The following ASCC3 variants were observed in gnomAD, a reference collection of about 807,000 sequenced individuals.
ASCC3 encodes the protein ASC-1 complex subunit P200.
A neutral mutation model predicts 256.3 loss-of-function variants in ASCC3; 158 were observed. The observed-to-expected ratio is 0.62, with a 90% CI of 0.54 to 0.70. The LOEUF is 0.70. ASCC3 is among the 30% of genes least tolerant of loss of function. ASCC3 has a pLI of 0.00. For missense variants in ASCC3, 2,259 were observed against 2,626.0 expected, an observed-to-expected ratio of 0.86 and a Z score of 3.05; for synonymous variants, 948 against 883.4, an observed-to-expected ratio of 1.07 and a Z score of -1.30.
In ASCC3 at chr6:100,718,201, T is replaced by A; in HGVS notation, c.1953A>T (p.Leu651Phe). 6.2e-7 allele frequency: 1 copy of A among 1,613,360 alleles called. No homozygotes were observed. Among genetic ancestry groups the A allele is most frequent in the Non-Finnish European group, 8.5e-7 (1 of 1,179,452 alleles). The change falls in exon 12 of 42, where the codon TTA becomes TTT. Residue 651 changes from leucine (L) to phenylalanine (F), a missense_variant. Coordinates refer to ENST00000369162, the MANE Select transcript of ASCC3 (RefSeq NM_006828.4). ...ATGTGGCAACATCGAGGTAGTTAGG[T>A]AAAGTTGCAGACAGTCCGAGAATCC... is the stretch of plus-strand genomic sequence containing the variant. ...MIRILGLSATLPNYLDVATFL... is the reference protein window; with the variant it reads ...MIRILGLSATFPNYLDVATFL...
rs570800333 is a variant in ASCC3, at chr6:100,725,524, A to G, written c.1902+15T>C. 20 of 1,611,346 alleles carry G rather than the reference A, an allele frequency of 1.2e-5. No homozygotes were observed. The highest frequency in any genetic ancestry group is 1.7e-4 in the Middle Eastern group (1 of 6,046). On this transcript the variant is annotated intron_variant, in intron 11 of 41. Transcript: ENST00000369162. ...TTATCCCTTCAAAATAAGCTTATAC[A>G]TAACTTCCTCTTACCTGCCGTAAAG... is the stretch of plus-strand genomic sequence containing the variant.
chr6:100,565,874 G>C (rs1261627022), intron 36 of ASCC3, among the ~76,000 whole-genome samples: 1 of 152,062 alleles, frequency 6.6e-6, no homozygotes. Flanking sequence ...TGCCTCTTAA[G>C]AGCAAAGATT....
At chr6:100,650,235 A>G (rs1240505795) in intron 20 of ASCC3, among the ~76,000 whole-genome samples, 1 of 151,548 alleles carries the variant, frequency 6.6e-6, no homozygotes, top group Non-Finnish European at 1.5e-5. Flanking sequence ...CTTTTACTTT[A>G]TAAGTAAAAG....
In ASCC3 at chr6:100,799,435, G is replaced by A. The variant is rs1327096811; in HGVS notation, c.1265C>T (p.Ala422Val). ...AMKTSAFIAG[A>V]KMILPEGIQR... is the part of the protein sequence containing the mutation. ...AGTTATATAACAATGACATACCTTTGCACCAGCAATAAATGCTGATGTTTT... is the reference window on the plus strand; with the variant it reads ...AGTTATATAACAATGACATACCTTTACACCAGCAATAAATGCTGATGTTTT... The change falls in exon 7 of 42, where the codon GCA (alanine) becomes GTA (valine). Residue 422 changes from alanine (A) to valine (V), a missense_variant. Physicochemically the swap from Ala to Val is moderately conservative, Grantham distance 64 (BLOSUM62 0). Around this residue, in one of 2 missense-constraint regions of ASCC3, gnomAD observed 1,839 missense variants for 2,206.7 expected, o/e 0.83. Transcript: ENST00000369162. 1 of 1,612,092 alleles carries A rather than the reference G, an allele frequency of 6.2e-7. No homozygotes were observed. Among genetic ancestry groups the A allele is most frequent in the East Asian group, 2.2e-5 (1 of 44,798 alleles).
chr6:100,844,412 C>A (rs1220110375), intron 4 of ASCC3, among the ~76,000 whole-genome samples: 2 of 151,680 alleles, frequency 1.3e-5, no homozygotes, highest in East Asian at 1.9e-4. Context: ...CTACTACTTT[C>A]TAGGGGAAAA....
intron 36 of ASCC3, among the ~76,000 whole-genome samples, chr6:100,585,288 C>CT (rs1173398340): frequency 5.3e-5 from 8 of 152,070 alleles, no homozygotes; most frequent in African/African-American, 1.9e-4. Flanking sequence ...TCTTTTTATT[C>CT]TTTTTTCTCT....
intron 25 of ASCC3, among the ~76,000 whole-genome samples, chr6:100,632,268 A>T (rs1394014652): frequency 6.6e-6 from 1 of 151,414 alleles, no homozygotes; most frequent in Non-Finnish European, 1.5e-5. Flanking sequence ...TTAACTAAAG[A>T]GGTAAAAAAT....
chr6:100,514,084 C>A (rs1284872504), intron 39 of ASCC3, among the ~76,000 whole-genome samples: 4 of 151,932 alleles, frequency 2.6e-5, no homozygotes, highest in African/African-American at 9.7e-5. Flanking sequence ...CCTGATGAAC[C>A]AAACTACCCC....
intron 36 of ASCC3, among the ~76,000 whole-genome samples, chr6:100,542,042 C>CAA (rs1279645123): frequency 6.6e-6 from 1 of 152,058 alleles, no homozygotes; most frequent in Admixed American, 6.5e-5. Flanking sequence ...AACACAACAT[C>CAA]AATGAGTTGT....
intron 3 of ASCC3, 118 bp from the exon 4 acceptor site, chr6:100,848,825 T>C (rs1011460866): frequency 1.4e-5 from 14 of 987,398 alleles, no homozygotes; most frequent in Non-Finnish European, 2.2e-5. Context: ...ATCATAGCAA[T>C]AGACCAGGTG....
chr6:100,872,203 G>C (rs1452520502), intron 1 of ASCC3, among the ~76,000 whole-genome samples: 1 of 152,130 alleles, frequency 6.6e-6, no homozygotes, highest in Non-Finnish European at 1.5e-5. Context: ...ACAAATTAAT[G>C]GGGTACTTGG....
chr6:100,784,378 C>G (rs758032164), intron 8 of ASCC3, among the ~76,000 whole-genome samples: 8 of 151,910 alleles, frequency 5.3e-5, no homozygotes, highest in Admixed American at 2.0e-4. Context: ...TAACCTAACT[C>G]CTAGACAAAA....
chr6:100,526,653 G>A (rs1469036430), intron 37 of ASCC3, among the ~76,000 whole-genome samples: 1 of 152,164 alleles, frequency 6.6e-6, no homozygotes, highest in East Asian at 1.9e-4. Context: ...TTTGTTTTAG[G>A]TGGTGTTTTG....
In ASCC3 at chr6:100,864,058, CTA is replaced by C. The variant is rs765527214; in HGVS notation, c.241+4_241+5del. On this transcript the variant is annotated splice_donor_5th_base_variant and intron_variant, in intron 3 of 41. Coordinates refer to ENST00000369162, the MANE Select transcript of ASCC3 (RefSeq NM_006828.4). The stretch of plus-strand genomic sequence containing the variant: ...AAAAAAAAAAAAGAAAAAAAGAAAA[CTA>C]TACCTATCTGCTTTGCAGCATGTAA... 2 of 1,516,538 alleles carry C rather than the reference CTA, an allele frequency of 1.3e-6. No homozygotes were observed. The highest frequency in any genetic ancestry group is 1.8e-6 in the Non-Finnish European group (2 of 1,119,094). The allele number at this position is 1,516,538 out of a possible 1,614,324, so 93.9% of individuals were successfully genotyped here.
intron 36 of ASCC3, among the ~76,000 whole-genome samples, chr6:100,541,800 A>C (rs1009445152): frequency 3.9e-5 from 6 of 152,236 alleles, no homozygotes; most frequent in Non-Finnish European, 8.8e-5. Context: ...ACTGACATAG[A>C]TCTTAGAATT....
intron 37 of ASCC3, among the ~76,000 whole-genome samples, chr6:100,518,903 A>G (rs946710708): frequency 1.3e-5 from 2 of 152,168 alleles, no homozygotes; most frequent in Non-Finnish European, 2.9e-5. Context: ...GCTATTTTAT[A>G]CAGTTTTAGT....
intron 13 of ASCC3, among the ~76,000 whole-genome samples, chr6:100,699,621 G>A (rs945129172): frequency 3.3e-5 from 5 of 152,140 alleles, no homozygotes; most frequent in African/African-American, 1.2e-4. Flanking sequence ...ACAGTTTGGT[G>A]GGTACAGAAG....
intron 14 of ASCC3, among the ~76,000 whole-genome samples, chr6:100,675,067 G>A (rs1776942418): frequency 6.6e-6 from 1 of 151,464 alleles, no homozygotes; most frequent in Admixed American, 6.6e-5. Context: ...TATTCTATAT[G>A]AGGTTACCTC....
intron 36 of ASCC3, among the ~76,000 whole-genome samples, chr6:100,560,424 C>G (rs1344025582): frequency 6.6e-6 from 1 of 152,068 alleles, no homozygotes; most frequent in East Asian, 1.9e-4. Flanking sequence ...AATTAACTAG[C>G]TTTGTAGCAT....
Sources: allele counts gnomAD v4.1 joint callset (sites outside exome capture counted in the v4.1 genomes callset), GRCh38; gene constraint gnomAD v4.1.1; regional missense constraint gnomAD v4.1.1; transcripts MANE v1.5; gene names NCBI Gene and HGNC (gene_info 2026-07-23, HGNC 2026-07-21).